Variants in CADM1 observed in about 807,000 individuals in gnomAD.
CADM1 encodes cell adhesion molecule 1.
Under a neutral mutation model 53.1 loss-of-function variants are expected in CADM1, and 15 were observed. That is an observed-to-expected ratio of 0.28 (90% confidence interval 0.19 to 0.44). The LOEUF is 0.44. Ranked by LOEUF, CADM1 falls within the 20% of genes least tolerant of loss-of-function variation. The pLI is 1.00. For missense variants in CADM1, 434 were observed against 611.3 expected (o/e 0.71, Z 3.06); for synonymous variants, 281 against 243.0 (o/e 1.16, Z -1.45).
intron 9 of CADM1, among the ~76,000 whole-genome samples, chr11:115,194,733 G>C (rs1030432161): frequency 2.6e-5 from 4 of 152,238 alleles, no homozygotes; most frequent in Admixed American, 6.5e-5. Flanking sequence ...CCAGCTGACT[G>C]CAGTGCAGCA....
intron 1 of CADM1, among the ~76,000 whole-genome samples, chr11:115,339,216 T>C (rs535945018): frequency 1.6e-4 from 24 of 152,070 alleles, no homozygotes; most frequent in Non-Finnish European, 2.6e-4. Context: ...CCCAAGTCAG[T>C]GTGGCGATTC....
At chr11:115,394,565 T>G (rs1471561204) in intron 1 of CADM1, among the ~76,000 whole-genome samples, 1 of 152,200 alleles carries the variant, frequency 6.6e-6, no homozygotes, top group Non-Finnish European at 1.5e-5. Flanking sequence ...CTTCTCGTCT[T>G]CTCTAGCGTT....
At chr11:115,314,266 G>A (rs1487650599) in intron 1 of CADM1, among the ~76,000 whole-genome samples, 1 of 152,046 alleles carries the variant, frequency 6.6e-6, no homozygotes, top group Non-Finnish European at 1.5e-5. Context: ...GGGGACACTG[G>A]GGGAGAGAAG....
intron 1 of CADM1, among the ~76,000 whole-genome samples, chr11:115,355,577 A>C (rs1945845365): frequency 6.6e-6 from 1 of 152,146 alleles, no homozygotes; most frequent in African/African-American, 2.4e-5. Flanking sequence ...CGTAAGTTTA[A>C]CCATATTACA....
At chr11:115,292,557 A>T (rs115807515) in intron 1 of CADM1, among the ~76,000 whole-genome samples, 272 of 152,352 alleles carry the variant, frequency 1.8e-3, no homozygotes, top group African/African-American at 6.3e-3. Flanking sequence ...ATTAGTAATA[A>T]TTAAAAATTC....
intron 1 of CADM1, among the ~76,000 whole-genome samples, chr11:115,451,504 G>A (rs1042019258): frequency 6.6e-6 from 1 of 152,198 alleles, no homozygotes; most frequent in African/African-American, 2.4e-5. Flanking sequence ...GACATAGGTA[G>A]CAATTTGTGC....
At chr11:115,371,097 G>A (rs991988905) in intron 1 of CADM1, among the ~76,000 whole-genome samples, 4 of 152,032 alleles carry the variant, frequency 2.6e-5, no homozygotes, top group African/African-American at 9.7e-5. Flanking sequence ...TAGAAATATA[G>A]GTTGACAGGG....
At chr11:115,352,545 C>G (rs1351026888) in intron 1 of CADM1, among the ~76,000 whole-genome samples, 1 of 152,152 alleles carries the variant, frequency 6.6e-6, no homozygotes, top group Non-Finnish European at 1.5e-5. Context: ...AAGAGCTCAT[C>G]TCCAGGAAAA....
chr11:115,179,411 GTTTTTATT>G (rs767766498), intron 10 of CADM1, among the ~76,000 whole-genome samples: 2 of 151,422 alleles, frequency 1.3e-5, no homozygotes, highest in Non-Finnish European at 3.0e-5. Context: ...GCCACCAACG[GTTTTTATT>G]TTATTTATTT....
Position 115,281,848 on chromosome 11 carries a change from A to G in CADM1, c.125-41428T>C, listed in dbSNP as rs574287670. 1.1e-3 allele frequency among the ~76,000 whole-genome samples: 173 copies of G among 152,238 alleles called. 2 individuals are homozygous for G. Among genetic ancestry groups the G allele is most frequent in the African/African-American group, 4.0e-3 (166 of 41,538 alleles). ...AAGGTAAGTTTAAAATCATAATACTATATTTAATGGCTAACTGAAAAAAAA... is the reference window on the plus strand; with the variant it reads ...AAGGTAAGTTTAAAATCATAATACTGTATTTAATGGCTAACTGAAAAAAAA... On this transcript the variant is annotated intron_variant, in intron 1 of 11. Coordinates refer to ENST00000331581, the MANE Select transcript of CADM1 (RefSeq NM_001301043.2).
intron 1 of CADM1, chr11:115,397,439 A>G (rs925982258): frequency 5.9e-5 from 9 of 152,238 alleles, no homozygotes; most frequent in African/African-American, 2.2e-4. Flanking sequence ...CCACAAAATG[A>G]AAAGTCTATG....
chr11:115,453,955 A>AAG (rs796288838), intron 1 of CADM1, among the ~76,000 whole-genome samples: 26 of 152,264 alleles, frequency 1.7e-4, no homozygotes, highest in African/African-American at 5.8e-4. Flanking sequence ...CTAGGTCTAG[A>AAG]AGGTCCTCCA....
intron 1 of CADM1, among the ~76,000 whole-genome samples, chr11:115,292,075 T>C (rs1943920543): frequency 1.0e-5 from 1 of 99,046 alleles, no homozygotes; most frequent in Non-Finnish European, 1.7e-5. Flanking sequence ...GTCTTCTGTT[T>C]CTTACCACCC....
chr11:115,377,656 C>G (rs1469935944), intron 1 of CADM1: 3 of 152,168 alleles, frequency 2.0e-5, no homozygotes, highest in Non-Finnish European at 4.4e-5. Context: ...CTAGGCCTAT[C>G]TTTAAGTTCC....
intron 1 of CADM1, among the ~76,000 whole-genome samples, chr11:115,461,155 A>G (rs1026647121): frequency 2.6e-5 from 4 of 152,088 alleles, no homozygotes; most frequent in African/African-American, 7.2e-5. Flanking sequence ...TATAATAAGT[A>G]TATATATAAT....
chr11:115,504,172 G>A lies in CADM1; in HGVS notation c.124+99C>T, dbSNP rs563104824. The A allele has an allele frequency of 2.6e-4, 395 of 1,500,490 alleles. 1 individual carries two copies. In the African/African-American group the frequency reaches 4.9e-3, roughly 19 times the overall value. The allele number at this position is 1,500,490 out of a possible 1,614,324, so 92.9% of individuals were successfully genotyped here. A position where few individuals can be genotyped will look rare whatever the true frequency, so the allele number is the denominator to read the frequency against. ...TCCCTCCGCTTCGGATGTAGGAAGT[G>A]GGGGGAGGTTGTCATGGAAACGTTT... On this transcript the variant is annotated intron_variant, in intron 1 of 11. Transcript: ENST00000331581.
At chr11:115,340,519 GAAAAA>G (rs1156429500) in intron 1 of CADM1, among the ~76,000 whole-genome samples, 1 of 52,678 alleles carries the variant, frequency 1.9e-5, no homozygotes, top group African/African-American at 7.3e-5. Flanking sequence ...GTTGTGGAAA[GAAAAA>G]AAAAAAAAAA....
In CADM1 at chr11:115,295,170, G is replaced by A. The variant is rs73576109; in HGVS notation, c.125-54750C>T. Among the ~76,000 whole-genome samples, 362 of 152,138 alleles carry A rather than the reference G, an allele frequency of 2.4e-3. 1 individual carries two copies. The highest frequency in any genetic ancestry group is 8.0e-3 in the African/African-American group (331 of 41,510). ...CCATGAATTGTTTCTACACTCTGACGCATTTCATCCACTCCCAACTCCATG... is the reference window on the plus strand; with the variant it reads ...CCATGAATTGTTTCTACACTCTGACACATTTCATCCACTCCCAACTCCATG... On this transcript the variant is annotated intron_variant, in intron 1 of 11. Transcript: ENST00000331581.
chr11:115,328,023 T>C (rs1357636249), intron 1 of CADM1, among the ~76,000 whole-genome samples: 5 of 152,138 alleles, frequency 3.3e-5, no homozygotes, highest in Admixed American at 1.3e-4. Flanking sequence ...TTCTAAATTA[T>C]CCTTCTGTTT....
Sources: gnomAD v4.1 joint callset for allele counts (sites outside exome capture counted in the v4.1 genomes callset) on GRCh38, gnomAD v4.1.1 for gene constraint, MANE v1.5 for transcripts, NCBI Gene and HGNC (gene_info 2026-07-23, HGNC 2026-07-21) for gene names.